The following PCDH9 variants were observed in gnomAD, a reference collection of about 807,000 sequenced individuals.
PCDH9 encodes the protein protocadherin-9.
Under a neutral mutation model 70.6 loss-of-function variants are expected in PCDH9, and 24 were observed. The ratio of observed to expected loss-of-function variants is 0.34; its 90% CI spans 0.25 to 0.48. The LOEUF (loss-of-function observed/expected upper bound fraction) is 0.48. Among genes scored for constraint, PCDH9 ranks in the 20% least tolerant of loss-of-function variants. The pLI, the probability that PCDH9 is intolerant of heterozygous loss-of-function variation, is 0.99. For synonymous variants in PCDH9, 562 were observed against 558.5 expected (o/e 1.01, Z -0.09); for missense variants, 1,281 against 1,503.6 (o/e 0.85, Z 2.45).
At chr13:66,831,243 G>T (rs2080920196) in intron 3 of PCDH9, among the ~76,000 whole-genome samples, 1 of 152,100 alleles carries the variant, frequency 6.6e-6, no homozygotes, top group South Asian at 2.1e-4. Context: ...TGGCTTGTGT[G>T]CAGCACTTTG....
intron 3 of PCDH9, among the ~76,000 whole-genome samples, chr13:66,679,744 A>C (rs1221952667): frequency 2.6e-5 from 4 of 151,916 alleles, no homozygotes; most frequent in Non-Finnish European, 5.9e-5. Context: ...TAGTAATATA[A>C]TATGCATAGC....
chr13:66,728,445 A>C (rs1566152166), intron 3 of PCDH9, among the ~76,000 whole-genome samples: 1 of 152,290 alleles, frequency 6.6e-6, no homozygotes, highest in East Asian at 1.9e-4. Flanking sequence ...TACTAAAATC[A>C]TAGTAGTGCT....
chr13:67,229,592 G>T (rs1174755771), intron 1 of PCDH9, among the ~76,000 whole-genome samples, 188 bp downstream of exon 1: 3 of 152,160 alleles, frequency 2.0e-5, no homozygotes, highest in East Asian at 3.9e-4. Context: ...AATCTTATCT[G>T]CATTAGGCTG....
At chr13:66,908,484 T>C (rs576832386) in intron 2 of PCDH9, among the ~76,000 whole-genome samples, 2 of 152,280 alleles carry the variant, frequency 1.3e-5, no homozygotes, top group Non-Finnish European at 2.9e-5. Flanking sequence ...TTCCAAAATA[T>C]TTTCTCAGAC....
chr13:66,492,729 T>C (rs2138537497), intron 4 of PCDH9, among the ~76,000 whole-genome samples: 1 of 152,160 alleles, frequency 6.6e-6, no homozygotes, highest in Admixed American at 6.6e-5. Flanking sequence ...GCTGCATGAC[T>C]AAGATGCAAC....
At chr13:66,720,325 T>C (rs998495962) in intron 3 of PCDH9, among the ~76,000 whole-genome samples, 2 of 33,688 alleles carry the variant, frequency 5.9e-5, no homozygotes, top group African/African-American at 1.6e-4. Flanking sequence ...TTTGCTTTTT[T>C]GTTTTTTTTT....
At chr13:67,006,588 T>G (rs1382663920) in intron 2 of PCDH9, among the ~76,000 whole-genome samples, 1 of 152,200 alleles carries the variant, frequency 6.6e-6, no homozygotes. Context: ...CTCAATGACC[T>G]AGAAGAAGAA....
chr13:66,687,008 C>T (rs1231040230), intron 3 of PCDH9, among the ~76,000 whole-genome samples: 1 of 152,076 alleles, frequency 6.6e-6, no homozygotes, highest in Non-Finnish European at 1.5e-5. Flanking sequence ...AAAGACATTT[C>T]GATTTACCTT....
intron 2 of PCDH9, among the ~76,000 whole-genome samples, chr13:67,176,150 C>T (rs1396481449): frequency 6.6e-6 from 1 of 152,054 alleles, no homozygotes; most frequent in Non-Finnish European, 1.5e-5. Flanking sequence ...AGTTTCAATC[C>T]TTTATAAGGC....
intron 2 of PCDH9, among the ~76,000 whole-genome samples, chr13:67,100,492 T>C (rs769665507): frequency 8.5e-5 from 13 of 152,198 alleles, no homozygotes; most frequent in Admixed American, 2.6e-4. Flanking sequence ...TAAAGCCTAC[T>C]AAAATGCAGA....
chr13:66,964,895 G>C (rs1196120752), intron 2 of PCDH9, among the ~76,000 whole-genome samples: 1 of 151,772 alleles, frequency 6.6e-6, no homozygotes, highest in Non-Finnish European at 1.5e-5. Flanking sequence ...CTTTGTATCT[G>C]CCTAACAATT....
rs371279044 is a variant in PCDH9, at chr13:66,390,005, CAGAGAGAGTG to C, written c.3341-84987_3341-84978del. Among the ~76,000 whole-genome samples, 210 of 152,210 alleles carry C rather than the reference CAGAGAGAGTG, an allele frequency of 1.4e-3. 2 individuals are homozygous for C. Among genetic ancestry groups the C allele is most frequent in the African/African-American group, 4.9e-3 (205 of 41,532 alleles). On this transcript the variant is annotated intron_variant, in intron 4 of 4. Coordinates refer to ENST00000377865, the MANE Select transcript of PCDH9 (RefSeq NM_203487.3). The stretch of plus-strand genomic sequence containing the variant: ...TTCATAGTCACCGATCTTTTGCAGT[CAGAGAGAGTG>C]AGAGACAAAGACAGAAACTGAACAG...
chr13:66,897,214 AAAG>A (rs2139582828), intron 3 of PCDH9, among the ~76,000 whole-genome samples: 1 of 152,068 alleles, frequency 6.6e-6, no homozygotes, highest in Admixed American at 6.6e-5. Context: ...GGAAGGAAGA[AAAG>A]AAGGGAGGGA....
rs1239175891 is a variant in PCDH9 at position 66,591,045 on chromosome 13, A to ACTT, written c.3340+40162_3340+40164dup. On this transcript the variant is annotated intron_variant, in intron 4 of 4. Coordinates refer to ENST00000377865, the MANE Select transcript of PCDH9 (RefSeq NM_203487.3). ...CTTGATGTTTAAAAATATGTACTTC[A>ACTT]CTTCTTTATTATTTAATGTTTCAAG... 9.2e-4 allele frequency among the ~76,000 whole-genome samples: 140 copies of ACTT among 151,890 alleles called. 1 individual carries two copies. The highest frequency in any genetic ancestry group is 3.3e-3 in the African/African-American group (135 of 41,526).
chr13:66,520,464 G>C (rs908204697), intron 4 of PCDH9, among the ~76,000 whole-genome samples: 1 of 152,220 alleles, frequency 6.6e-6, no homozygotes, highest in African/African-American at 2.4e-5. Context: ...GCATTTTCCT[G>C]CAGTAGTTCT....
rs529106783 is a variant in PCDH9 at position 66,701,378 on chromosome 13, T to C, written c.3139-69967A>G. On this transcript the variant is annotated intron_variant, in intron 3 of 4. Transcript: ENST00000377865. Reference sequence around the variant, plus strand: ...GTATGTAAATATACCAGTGTATGTGTAAATATATATATACATATATGTGTG... The same window carrying C: ...GTATGTAAATATACCAGTGTATGTGCAAATATATATATACATATATGTGTG... Among the ~76,000 whole-genome samples the C allele has an allele frequency of 3.3e-5, 5 of 152,244 alleles. No individual in the cohort carries two copies. The East Asian group carries it at 9.7e-4, about 29-fold the overall frequency.
intron 2 of PCDH9, among the ~76,000 whole-genome samples, chr13:67,166,636 A>G (rs1263574575): frequency 1.3e-5 from 2 of 152,180 alleles, no homozygotes; most frequent in African/African-American, 2.4e-5. Flanking sequence ...ATAAGGCTTG[A>G]TCAGTAAAAA....
At chr13:66,830,542 T>G (rs1198607089) in intron 3 of PCDH9, among the ~76,000 whole-genome samples, 1 of 152,166 alleles carries the variant, frequency 6.6e-6, no homozygotes, top group Non-Finnish European at 1.5e-5. Context: ...ATCAATTATA[T>G]TTACATTATG....
At chr13:67,082,864 C>A (rs1282056030) in intron 2 of PCDH9, among the ~76,000 whole-genome samples, 1 of 152,092 alleles carries the variant, frequency 6.6e-6, no homozygotes, top group Non-Finnish European at 1.5e-5. Flanking sequence ...AATAATTTTT[C>A]TGTTACTATG....
Sources: allele counts gnomAD v4.1 joint callset (sites outside exome capture counted in the v4.1 genomes callset), GRCh38; gene constraint gnomAD v4.1.1; transcripts MANE v1.5; gene names NCBI Gene and HGNC (gene_info 2026-07-23, HGNC 2026-07-21).